Variants in TCN1 observed in about 807,000 individuals in gnomAD.
TCN1 encodes the protein transcobalamin-1.
In TCN1, 47 loss-of-function variants were observed where a neutral mutation model predicts 46.3. The ratio of observed to expected loss-of-function variants is 1.01; its 90% confidence interval spans 0.80 to 1.29. The LOEUF (loss-of-function observed/expected upper bound fraction) is 1.29. Ranked by LOEUF, TCN1 falls within the 50% of genes most tolerant of loss-of-function variation. The pLI is 0.00. For missense variants in TCN1, 532 were observed against 511.0 expected (o/e 1.04, Z -0.40); for synonymous variants, 183 against 192.5 (o/e 0.95, Z 0.41).
chr11:59,861,711 A>ATCG, intron 3 of TCN1, 29 bp from the exon 4 acceptor site: 2 of 1,610,690 alleles, frequency 1.2e-6, no homozygotes, highest in Non-Finnish European at 1.7e-6. Context: ...ACCTCCCTTA[A>ATCG]TCATGGAAGT....
In TCN1 at chr11:59,862,743, G is replaced by A. The variant is rs1300271562; in HGVS notation, c.260-21C>T. 2.5e-6 allele frequency: 4 copies of A among 1,612,376 alleles called. No individual in the cohort carries two copies. The South Asian group carries it at 4.4e-5, about 18-fold the overall frequency. On this transcript the variant is annotated intron_variant, in intron 2 of 8. Coordinates refer to ENST00000257264, the MANE Select transcript of TCN1 (RefSeq NM_001062.4). The stretch of plus-strand genomic sequence containing the variant: ...TGACACTGAAAAGAAAAGTATTCAA[G>A]CTTAATAAGGTACAGGCTTGTGATT...
At chr11:59,861,995 C>T (rs144538816) in intron 3 of TCN1, among the ~76,000 whole-genome samples, 3 of 152,266 alleles carry the variant, frequency 2.0e-5, no homozygotes, top group East Asian at 3.9e-4. Context: ...AAGCCTCTTG[C>T]GTTTTCAATA....
chr11:59,862,856 A>C, intron 2 of TCN1, 134 bp from the exon 3 acceptor site: 2 of 979,832 alleles, frequency 2.0e-6, no homozygotes, highest in Non-Finnish European at 3.1e-6. Context: ...TCGCTTAATG[A>C]TAGGGATAAA....
intron 5 of TCN1, among the ~76,000 whole-genome samples, chr11:59,856,700 T>C (rs1264264967): frequency 1.3e-5 from 2 of 152,082 alleles, no homozygotes; most frequent in Non-Finnish European, 2.9e-5. Flanking sequence ...ATGGGGAACA[T>C]TGGAGGCAAC....
chr11:59,862,464 G>T lies in TCN1; in HGVS notation c.400+118C>A, dbSNP rs1338779295. ...AGAGAAAAAGGGAAGTGCCCTCAAA[G>T]ACATAGTGAGATGAACGGGATGAAG... On this transcript the variant is annotated intron_variant, in intron 3 of 8. Coordinates refer to ENST00000257264, the MANE Select transcript of TCN1 (RefSeq NM_001062.4). 12 of 1,296,986 alleles carry T rather than the reference G, an allele frequency of 9.3e-6. No homozygotes were observed. In the South Asian group the frequency reaches 1.3e-4, roughly 14 times the overall value. The allele number at this position is 1,296,986 out of a possible 1,614,324, so 80.3% of individuals were successfully genotyped here.
chr11:59,862,862 A>G, intron 2 of TCN1, 140 bp from the exon 3 acceptor site: 1 of 948,998 alleles, frequency 1.1e-6, no homozygotes, highest in Non-Finnish European at 1.6e-6. Flanking sequence ...AATGATAGGG[A>G]TAAATTCTGA....
In TCN1 at chr11:59,852,968, G is replaced by A. The variant is rs1305126615; in HGVS notation, c.*7C>T. 1 of 1,613,774 alleles carries A rather than the reference G, an allele frequency of 6.2e-7. No homozygotes were observed. The highest frequency in any genetic ancestry group is 8.5e-7 in the Non-Finnish European group (1 of 1,179,774). ...GATTTTATGCAGCTGAGGAAAGTTT[G>A]GGCTTATTAGTATTTGCTCCAGCGA... On this transcript the variant is annotated 3_prime_UTR_variant, in exon 9 of 9. Transcript: ENST00000257264.
Position 59,855,898 on chromosome 11 carries a change from T to C in TCN1, c.908A>G (p.Asn303Ser). The change falls in exon 6 of 9, where the codon AAC becomes AGC. Residue 303 changes from asparagine to serine, a missense_variant. By Grantham distance (46) the Asn-to-Ser change is conservative (BLOSUM62 1). Transcript: ENST00000257264. ...ALMGKTFLDI[N>S]KDSSCVSASG... ...AGCAGAGACGCAAGAAGAGTCTTTG[T>C]TAATATCCAAGAAGGTCTTTCCCAT... 6.2e-7 allele frequency: 1 copy of C among 1,613,886 alleles called. No individual in the cohort carries two copies. Among genetic ancestry groups the C allele is most frequent in the Non-Finnish European group, 8.5e-7 (1 of 1,179,796 alleles).
In TCN1 at chr11:59,856,047, T is replaced by C. The variant is rs1206140469; in HGVS notation, c.759A>G (p.Val253=). Residue 253 remains valine, a synonymous_variant, in exon 6 of 9, where the codon GTA becomes GTG. Transcript: ENST00000257264. ...CATTTTCATTATAATAGTCTGATGA[T>C]ACAAAGAGGGCCTAATGAGGCAGGG... is the stretch of plus-strand genomic sequence containing the variant. ...STGEAMQALF[V]SSDYYNENDW... The C allele has an allele frequency of 3.5e-6, 3 of 859,398 alleles. No homozygotes were observed. Among genetic ancestry groups the C allele is most frequent in the East Asian group, 7.3e-5 (1 of 13,744 alleles). The allele number at this position is 859,398 out of a possible 1,614,324, so 53.2% of individuals were successfully genotyped here.
At chr11:59,856,178 A>G (rs934195311) in intron 5 of TCN1, 120 bp from the exon 6 acceptor site, 10 of 776,600 alleles carry the variant, frequency 1.3e-5, no homozygotes, top group Non-Finnish European at 1.9e-5. Context: ...CTAATTCAGT[A>G]TTAATTGAAC....
chr11:59,858,920 T>C (rs913448761), intron 5 of TCN1, among the ~76,000 whole-genome samples, 157 bp downstream of exon 5: 7 of 152,034 alleles, frequency 4.6e-5, no homozygotes, highest in Admixed American at 2.0e-4. Flanking sequence ...GGAGAATCGC[T>C]TGAACTCGGG....
intron 4 of TCN1, among the ~76,000 whole-genome samples, chr11:59,859,811 G>A (rs1852997894): frequency 6.6e-6 from 1 of 152,150 alleles, no homozygotes; most frequent in East Asian, 1.9e-4. Context: ...TTAACATAGG[G>A]TCAATGCTCA....
rs1328911990 is a variant in TCN1 at position 59,859,194 on chromosome 11, A to G, written c.630T>C (p.Asp210=). ...KSLINGQIKA[D]EGSLKNISIY... is the part of the protein sequence containing the mutation. ...TACTGATGTTCTTTAAACTGCCTTC[A>G]TCTGCTTTGATCTGCCCATTTATTA... The change falls in exon 5 of 9, where the codon GAT becomes GAC. Residue 210 remains aspartate, a synonymous_variant. Transcript: ENST00000257264. 6.2e-7 allele frequency: 1 copy of G among 1,613,824 alleles called. No homozygotes were observed. The highest frequency in any genetic ancestry group is 1.3e-5 in the African/African-American group (1 of 74,896).
chr11:59,858,246 A>C (rs1852969232), intron 5 of TCN1, among the ~76,000 whole-genome samples: 1 of 152,222 alleles, frequency 6.6e-6, no homozygotes, highest in African/African-American at 2.4e-5. Flanking sequence ...GCATAGACAA[A>C]GGGATGAGTC....
intron 7 of TCN1, among the ~76,000 whole-genome samples, chr11:59,853,730 T>G (rs1210010625): frequency 1.3e-5 from 2 of 152,330 alleles, no homozygotes; most frequent in South Asian, 2.1e-4. Context: ...GAGTTTTCCC[T>G]TAGAAAAGAG....
chr11:59,853,901 A>T (rs555738166), intron 7 of TCN1, among the ~76,000 whole-genome samples: 1 of 152,154 alleles, frequency 6.6e-6, no homozygotes, highest in Non-Finnish European at 1.5e-5. Flanking sequence ...TCTTTATAGC[A>T]TCCTACACTG....
chr11:59,853,274 T>C lies in TCN1; in HGVS notation c.1169A>G (p.Gln390Arg). Reference sequence around the variant, plus strand: ...GTCATTATTGTTGGCACATAGGCCCTGAATACAGGTGATATAGGGCCCCCA... The same window carrying C: ...GTCATTATTGTTGGCACATAGGCCCCGAATACAGGTGATATAGGGCCCCCA... Reference protein sequence around the residue: ...RSWGPYITCIQGLCANNNDRT... With the variant: ...RSWGPYITCIRGLCANNNDRT... Residue 390 changes from glutamine (Q) to arginine (R), a missense_variant, in exon 8 of 9, where the codon CAG becomes CGG. Transcript: ENST00000257264. The C allele has an allele frequency of 6.2e-7, 1 of 1,614,132 alleles. No homozygotes were observed. The highest frequency in any genetic ancestry group is 8.5e-7 in the Non-Finnish European group (1 of 1,180,008).
Position 59,866,482 on chromosome 11 carries a change from T to C in TCN1, c.-12A>G, listed in dbSNP as rs748158803. The C allele has an allele frequency of 1.1e-4, 173 of 1,612,440 alleles. No homozygotes were observed. Among genetic ancestry groups the C allele is most frequent in the Non-Finnish European group, 1.4e-4 (170 of 1,178,716 alleles). On this transcript the variant is annotated 5_prime_UTR_variant, in exon 1 of 9. Coordinates refer to ENST00000257264, the MANE Select transcript of TCN1 (RefSeq NM_001062.4). ...TGTGACTGTCTCATCTCTCCAACAG[T>C]GTACCAGAATGTTGATGAATTGGCT...
At position 59,859,165 on chromosome 11, in the gene TCN1, T is replaced by C. The variant is rs776590017; in HGVS notation, c.659A>G (p.Tyr220Cys). The C allele has an allele frequency of 1.2e-5, 20 of 1,613,992 alleles. No individual in the cohort carries two copies. In the South Asian group the frequency reaches 2.1e-4, roughly 17 times the overall value. ...AATCTTTTCTACCAGTGACTTTGTA[T>C]AAATACTGATGTTCTTTAAACTGCC... Reference protein sequence around the residue: ...DEGSLKNISIYTKSLVEKILS... With the variant: ...DEGSLKNISICTKSLVEKILS... The change falls in exon 5 of 9, where the codon TAT (tyrosine) becomes TGT (cysteine). Residue 220 changes from tyrosine to cysteine, a missense_variant. Coordinates refer to ENST00000257264, the MANE Select transcript of TCN1 (RefSeq NM_001062.4).
Sources: gnomAD v4.1 joint callset for allele counts (sites outside exome capture counted in the v4.1 genomes callset) on GRCh38, gnomAD v4.1.1 for gene constraint, MANE v1.5 for transcripts, NCBI Gene and HGNC (gene_info 2026-07-23, HGNC 2026-07-21) for gene names.